Variants in NRP2 observed in about 807,000 individuals in gnomAD.
NRP2 encodes the protein neuropilin-2.
Under a neutral mutation model 110.4 loss-of-function variants are expected in NRP2, and 52 were observed. The observed-to-expected ratio is 0.47, with a 90% CI of 0.38 to 0.59. The LOEUF (loss-of-function observed/expected upper bound fraction) is 0.59, where lower values mean the gene tolerates loss of function less well. Among genes scored for constraint, NRP2 ranks in the 20% least tolerant of loss-of-function variants. NRP2 has a pLI of 0.00. For missense variants in NRP2, 1,049 were observed against 1,203.0 expected (o/e 0.87, Z 1.89); for synonymous variants, 508 against 468.9 (o/e 1.08, Z -1.08).
chr2:205,790,108 A>C (rs375008120), intron 15 of NRP2, among the ~76,000 whole-genome samples: 1 of 152,270 alleles, frequency 6.6e-6, no homozygotes. Flanking sequence ...ATAAAAAGCC[A>C]AGTCAAGCCA....
chr2:205,743,846 C>T (rs549752190), intron 9 of NRP2: 18 of 432,740 alleles, frequency 4.2e-5, no homozygotes, highest in African/African-American at 7.9e-5. Context: ...AGGGTTCAAG[C>T]GATTCTCCAG....
At position 205,763,548 on chromosome 2, in the gene NRP2, A is replaced by G; in HGVS notation, c.2045-126A>G. 8.1e-7 allele frequency: 1 copy of G among 1,231,546 alleles called. No individual in the cohort carries two copies. Among genetic ancestry groups the G allele is most frequent in the Non-Finnish European group, 1.2e-6 (1 of 835,630 alleles). The allele number at this position is 1,231,546 out of a possible 1,614,324, so 76.3% of individuals were successfully genotyped here. A position where few individuals can be genotyped will look rare whatever the true frequency, so the allele number is the denominator to read the frequency against. On this transcript the variant is annotated intron_variant, in intron 12 of 16. Transcript: ENST00000357785. This position sits in a 1 kb window ranked among gnomAD's most constrained non-coding sequence, Gnocchi z 4.0. The stretch of plus-strand genomic sequence containing the variant: ...GAAAGGGTCACAGAGCCTGGAGAAC[A>G]AGGACATGAATAAACCAAAGACACC...
intron 12 of NRP2, among the ~76,000 whole-genome samples, chr2:205,758,851 C>T (rs1280863195): frequency 6.6e-6 from 1 of 152,176 alleles, no homozygotes; most frequent in Non-Finnish European, 1.5e-5. Flanking sequence ...TCAGTTGTCA[C>T]GTTCAGGCGA....
intron 12 of NRP2, chr2:205,759,575 CA>C: frequency 6.6e-6 from 1 of 152,158 alleles, no homozygotes; most frequent in Non-Finnish European, 1.5e-5. Context: ...TACTGTGAAG[CA>C]ACACAAAAGA....
At position 205,716,295 on chromosome 2, in the gene NRP2, C is replaced by T. The variant is rs756496733; in HGVS notation, c.354C>T (p.Ser118=). 74 of 1,614,086 alleles carry T rather than the reference C, an allele frequency of 4.6e-5. No homozygotes were observed. Among genetic ancestry groups the T allele is most frequent in the Non-Finnish European group, 5.8e-5 (68 of 1,180,054 alleles). The change falls in exon 3 of 17, where the codon TCC becomes TCT. Residue 118 remains serine (S), a synonymous_variant. Coordinates refer to ENST00000357785, the MANE Select transcript of NRP2 (RefSeq NM_003872.3). ...CGCCCACCATCATCTCCTCGGGCTC[C>T]ATGCTCTACATCAAGTTCACCTCCG... The part of the protein sequence containing the change: ...IAPPTIISSG[S]MLYIKFTSDY...
intron 2 of NRP2, among the ~76,000 whole-genome samples, chr2:205,706,024 C>T (rs547462930): frequency 1.1e-4 from 16 of 152,070 alleles, no homozygotes; most frequent in South Asian, 4.2e-4. Flanking sequence ...CTCAGTCCAT[C>T]GTCTCTCTCT....
At chr2:205,792,709 C>CAGATTCACACTATTCAAGA (rs1380791610) in intron 16 of NRP2, among the ~76,000 whole-genome samples, 5 of 152,186 alleles carry the variant, frequency 3.3e-5, no homozygotes, top group Non-Finnish European at 7.3e-5. Context: ...TGGGGGAAAC[C>CAGATTCACACTATTCAAGA]TTCCTCACAC....
intron 7 of NRP2, among the ~76,000 whole-genome samples, chr2:205,734,470 C>G (rs1036925510): frequency 9.8e-5 from 12 of 121,948 alleles, no homozygotes; most frequent in Non-Finnish European, 1.8e-4. Flanking sequence ...ATTAATTAAA[C>G]AGGATGGCAT....
chr2:205,748,208 C>A (rs558927094), intron 10 of NRP2, among the ~76,000 whole-genome samples: 1 of 152,272 alleles, frequency 6.6e-6, no homozygotes, highest in South Asian at 2.1e-4. Flanking sequence ...CTCCATAGGT[C>A]ACGTGGCTAT....
chr2:205,739,138 A>G lies in NRP2; in HGVS notation c.1147-1381A>G, dbSNP rs149585985. On this transcript the variant is annotated intron_variant, in intron 7 of 16. Transcript: ENST00000357785. Reference sequence around the variant, plus strand: ...ACTCACACTGGAAACACATCACTGGACAGTGACTCTACCTCCATTCAGCCC... The same window carrying G: ...ACTCACACTGGAAACACATCACTGGGCAGTGACTCTACCTCCATTCAGCCC... Among the ~76,000 whole-genome samples, 89 of 152,308 alleles carry G rather than the reference A, an allele frequency of 5.8e-4. 1 individual carries two copies. The East Asian group carries it at 0.017, about 29-fold the overall frequency.
chr2:205,717,839 T>A (rs919390224), intron 3 of NRP2, among the ~76,000 whole-genome samples: 3 of 152,260 alleles, frequency 2.0e-5, no homozygotes, highest in African/African-American at 7.2e-5. Flanking sequence ...ATGCTTGCTC[T>A]CTTCGGGTTG....
At position 205,725,763 on chromosome 2, in the gene NRP2, A is replaced by T; in HGVS notation, c.821-150A>T. 1.3e-6 allele frequency: 1 copy of T among 775,400 alleles called. No individual in the cohort carries two copies. Among genetic ancestry groups the T allele is most frequent in the Non-Finnish European group, 2.2e-6 (1 of 448,372 alleles). The allele number at this position is 775,400 out of a possible 1,614,324, so 48.0% of individuals were successfully genotyped here. A position where few individuals can be genotyped will look rare whatever the true frequency, so the allele number is the denominator to read the frequency against. On this transcript the variant is annotated intron_variant, in intron 5 of 16. Coordinates refer to ENST00000357785, the MANE Select transcript of NRP2 (RefSeq NM_003872.3). This position sits in a 1 kb window ranked among gnomAD's most constrained non-coding sequence, Gnocchi z 4.1. ...GTTGTCAAGCTCCATGACTTGATGTAGTTGTTTTTAAAATGTGAGCATATA... is the reference window on the plus strand; with the variant it reads ...GTTGTCAAGCTCCATGACTTGATGTTGTTGTTTTTAAAATGTGAGCATATA...
chr2:205,777,174 G>C (rs778285553), intron 15 of NRP2: 1 of 985,662 alleles, frequency 1.0e-6, no homozygotes, highest in East Asian at 1.1e-4. Flanking sequence ...CTGGGTTTCT[G>C]TTGGCTGTCA....
intron 9 of NRP2, 47 bp downstream of exon 9, chr2:205,743,599 G>A (rs913773095): frequency 1.9e-6 from 3 of 1,604,358 alleles, no homozygotes; most frequent in Non-Finnish European, 2.6e-6. Context: ...CAACAGGGAG[G>A]CTAAGTGTGG....
chr2:205,703,593 T>C (rs1270276169), intron 2 of NRP2, among the ~76,000 whole-genome samples: 5 of 152,160 alleles, frequency 3.3e-5, no homozygotes, highest in Non-Finnish European at 7.4e-5. Flanking sequence ...GCAGGGGACA[T>C]GATATGGACC....
At chr2:205,719,408 G>A (rs947960008) in intron 3 of NRP2, among the ~76,000 whole-genome samples, 1 of 151,670 alleles carries the variant, frequency 6.6e-6, no homozygotes, top group Admixed American at 6.6e-5. Flanking sequence ...CATTTAAAAG[G>A]GTAAGCCAGA....
Position 205,794,762 on chromosome 2 carries a change from G to A in NRP2, c.2485G>A (p.Glu829Lys), listed in dbSNP as rs759033861. The change falls in exon 17 of 17, where the codon GAG becomes AAG. Residue 829 changes from glutamate to lysine, a missense_variant. Coordinates refer to ENST00000357785, the MANE Select transcript of NRP2 (RefSeq NM_003872.3). Reference sequence around the variant, plus strand: ...AATTTTATGTATCGCAGATGAATACGAGGTGGACTGGAGCAATTCTTCTTC... The same window carrying A: ...AATTTTATGTATCGCAGATGAATACAAGGTGGACTGGAGCAATTCTTCTTC... ...GYEDEIDDEYEVDWSNSSSAT... is the reference protein window; with the variant it reads ...GYEDEIDDEYKVDWSNSSSAT... 6 of 1,614,124 alleles carry A rather than the reference G, an allele frequency of 3.7e-6. No individual in the cohort carries two copies. The highest frequency in any genetic ancestry group is 1.7e-5 in the Admixed American group (1 of 60,028).
intron 11 of NRP2, among the ~76,000 whole-genome samples, chr2:205,750,715 T>C (rs2057628641): frequency 6.6e-6 from 1 of 152,220 alleles, no homozygotes; most frequent in South Asian, 2.1e-4. Flanking sequence ...TACTGATCAT[T>C]ATTAAATGTT....
intron 15 of NRP2, chr2:205,768,115 G>C (rs1362969071): frequency 6.6e-6 from 1 of 152,266 alleles, no homozygotes; most frequent in Non-Finnish European, 1.5e-5. Flanking sequence ...GACCGACATA[G>C]AATATATTGC....
Sources: gnomAD v4.1 joint callset for allele counts (sites outside exome capture counted in the v4.1 genomes callset) on GRCh38, gnomAD v4.1.1 for gene constraint, Gnocchi (gnomAD v3.1) non-coding constraint, MANE v1.5 for transcripts, NCBI Gene and HGNC (gene_info 2026-07-23, HGNC 2026-07-21) for gene names.